Variants in PDXDC1 observed in about 807,000 individuals in gnomAD.
PDXDC1 encodes the protein pyridoxal-dependent decarboxylase domain-containing protein 1.
A neutral mutation model predicts 100.1 loss-of-function variants in PDXDC1; 42 were observed. The observed-to-expected ratio is 0.42, with a 90% CI of 0.33 to 0.54. The LOEUF is 0.54. PDXDC1 is among the 20% of genes least tolerant of loss of function. The probability of loss-of-function intolerance (pLI) is 0.10; values close to 1 mark genes in which losing one functional copy is unlikely to be tolerated. For missense variants in PDXDC1, 636 were observed against 979.2 expected (o/e 0.65, Z 4.68); for synonymous variants, 260 against 371.7 (o/e 0.70, Z 3.46).
chr16:14,995,290 G>A (rs1224260621), intron 1 of PDXDC1, among the ~76,000 whole-genome samples: 1 of 152,280 alleles, frequency 6.6e-6, no homozygotes, highest in Non-Finnish European at 1.5e-5. Flanking sequence ...GTCATAGATA[G>A]CTCTTATTAT....
downstream of PDXDC1, among the ~76,000 whole-genome samples, chr16:15,144,204 CA>C (rs1165692969): frequency 3.3e-5 from 5 of 152,196 alleles, no homozygotes; most frequent in Non-Finnish European, 7.4e-5. Context: ...CTGGAGAGGA[CA>C]GGGGACAGGC....
At chr16:15,027,965 G>T (rs1393620356) in intron 14 of PDXDC1, among the ~76,000 whole-genome samples, 3 of 152,272 alleles carry the variant, frequency 2.0e-5, no homozygotes, top group South Asian at 2.1e-4. Flanking sequence ...TCCCTTCCCC[G>T]CTTCTGTGTC....
downstream of PDXDC1, among the ~76,000 whole-genome samples, chr16:15,042,185 C>A (rs1047697421): frequency 3.0e-5 from 4 of 135,576 alleles, no homozygotes; most frequent in African/African-American, 1.1e-4. Context: ...AATTTTATAT[C>A]TTTTTTTTTT....
At chr16:15,148,789 G>A in the PDXDC1 span, among the ~76,000 whole-genome samples, 1 of 152,106 alleles carries the variant, frequency 6.6e-6, no homozygotes, top group Non-Finnish European at 1.5e-5. Flanking sequence ...TGTCTCCACA[G>A]TCGCCTCTGC....
intron 16 of PDXDC1, among the ~76,000 whole-genome samples, chr16:15,112,229 G>T (rs1026438120): frequency 6.7e-6 from 1 of 148,430 alleles, no homozygotes; most frequent in African/African-American, 2.4e-5. Flanking sequence ...TCATTGAAAT[G>T]ACTTTTTTCT....
chr16:15,005,317 A>AAAAAG (rs5816114), intron 5 of PDXDC1, among the ~76,000 whole-genome samples: 15,407 of 144,724 alleles, frequency 0.11, 277 homozygotes, highest in East Asian at 0.15. Context: ...AAAAAAAAAA[A>AAAAAG]AAAGAAAACT....
intron 16 of PDXDC1, among the ~76,000 whole-genome samples, chr16:15,072,517 G>A (rs1189774037): frequency 1.3e-5 from 2 of 152,120 alleles, no homozygotes; most frequent in African/African-American, 2.4e-5. Flanking sequence ...AGAAGGGAAC[G>A]TGGGCCAGGC....
chr16:15,131,007 C>A, intron 16 of PDXDC1: 1 of 938,574 alleles, frequency 1.1e-6, no homozygotes, highest in Non-Finnish European at 1.7e-6. Context: ...ACCAGAGACA[C>A]CCATGGAAGC....
At chr16:15,097,218 T>A (rs2046387934) in intron 16 of PDXDC1, among the ~76,000 whole-genome samples, 2 of 151,136 alleles carry the variant, frequency 1.3e-5, no homozygotes, top group African/African-American at 4.9e-5. Flanking sequence ...CAGTGAGCTA[T>A]GACTACACCA....
chr16:15,104,883 T>C lies in PDXDC1; in HGVS notation c.1400-33996T>C, dbSNP rs2046736174. 2.6e-5 allele frequency: 39 copies of C among 1,527,412 alleles called. No individual in the cohort carries two copies. In the South Asian group the frequency reaches 4.8e-4, roughly 19 times the overall value. 94.6% of individuals were successfully genotyped at this position (1,527,412 alleles called of 1,614,324 possible). ...TTTTGCACCTTTCCATCCTCCAGGT[T>C]TCAAAATAGCAGTATCAGTGTCATA... On this transcript the variant is annotated intron_variant, in intron 16 of 16. Transcript: ENST00000535621.
intron 1 of PDXDC1, among the ~76,000 whole-genome samples, chr16:14,987,493 T>C (rs1969650024): frequency 6.6e-6 from 1 of 152,300 alleles, no homozygotes; most frequent in South Asian, 2.1e-4. Context: ...GTATTAGTAA[T>C]TATAAGGATC....
rs184898204 is a variant in PDXDC1, at chr16:14,979,536, C to T, written c.21+4316C>T. ...AGCTCCTGACCTCAAGTGATCCACC[C>T]GCCTCGGCCTCCCAAAGTGCTGGGG... On this transcript the variant is annotated intron_variant, in intron 1 of 22. Transcript: ENST00000396410. Among the ~76,000 whole-genome samples, 60 of 152,360 alleles carry T rather than the reference C, an allele frequency of 3.9e-4. 1 individual carries two copies. The highest frequency in any genetic ancestry group is 1.1e-3 in the African/African-American group (47 of 41,580).
chr16:15,046,254 A>ACT (rs1427020440), intron 16 of PDXDC1, among the ~76,000 whole-genome samples: 1 of 152,130 alleles, frequency 6.6e-6, no homozygotes, highest in South Asian at 2.1e-4. Context: ...CTCCCAGAGA[A>ACT]CTCTCTCTTT....
chr16:15,093,376 T>TTCTCTCCCTTC (rs1245507302), intron 16 of PDXDC1, among the ~76,000 whole-genome samples: 2 of 152,162 alleles, frequency 1.3e-5, no homozygotes, highest in Non-Finnish European at 2.9e-5. Context: ...CAAAAGCTCC[T>TTCTCTCCCTTC]TCTCTCCCTT....
intron 16 of PDXDC1, chr16:15,070,339 A>C: frequency 7.9e-7 from 1 of 1,263,818 alleles, no homozygotes; most frequent in Non-Finnish European, 1.1e-6. Flanking sequence ...CTTTCATTAC[A>C]AACCATGCTA....
intron 16 of PDXDC1, chr16:15,086,172 G>A: frequency 2.5e-6 from 4 of 1,606,070 alleles, no homozygotes; most frequent in Non-Finnish European, 3.4e-6. Flanking sequence ...ACGGTCTGAG[G>A]AAAACAGTCT....
downstream of PDXDC1, among the ~76,000 whole-genome samples, chr16:15,143,894 C>A (rs1051732718): frequency 2.0e-5 from 3 of 152,224 alleles, no homozygotes; most frequent in African/African-American, 7.2e-5. Context: ...TCTGCACATT[C>A]CAGACGCGTG....
intron 16 of PDXDC1, among the ~76,000 whole-genome samples, chr16:15,075,957 C>A (rs1475132363): frequency 6.6e-6 from 1 of 152,162 alleles, no homozygotes; most frequent in African/African-American, 2.4e-5. Flanking sequence ...CCCTTAGAAC[C>A]AATGACTGAT....
At chr16:15,041,054 T>G (rs1036689392), downstream of PDXDC1, 2 of 1,579,464 alleles carry the variant, frequency 1.3e-6, no homozygotes, top group Non-Finnish European at 1.7e-6. Flanking sequence ...CCACAAAAGA[T>G]GCACACTACT....
Sources: gnomAD v4.1 joint callset for allele counts (sites outside exome capture counted in the v4.1 genomes callset) on GRCh38, gnomAD v4.1.1 for gene constraint, MANE v1.5 for transcripts, NCBI Gene and HGNC (gene_info 2026-07-23, HGNC 2026-07-21) for gene names.